RAG1: variants seen among roughly 807,000 people sequenced by gnomAD.
RAG1 encodes recombination activating 1, also known as V(D)J recombination-activating protein 1.
RAG1 carries 35 observed loss-of-function variants against 62.7 expected under a neutral mutation model. The observed-to-expected ratio is 0.56, with a 90% CI of 0.43 to 0.74. The LOEUF is 0.74. RAG1 is among the 30% of genes least tolerant of loss of function. The probability of loss-of-function intolerance (pLI) is 0.00; values close to 1 mark genes in which losing one functional copy is unlikely to be tolerated. For missense variants in RAG1, 1,169 were observed against 1,278.6 expected (o/e 0.91, Z 1.31); for synonymous variants, 461 against 470.3 (o/e 0.98, Z 0.26).
intron 2 of RAG1, among the ~76,000 whole-genome samples, chr11:36,534,556 T>C (rs1860299170): frequency 6.6e-6 from 1 of 152,200 alleles, no homozygotes; most frequent in Non-Finnish European, 1.5e-5. Flanking sequence ...GCCATGGCAA[T>C]CCTCACTTCT....
rs1850828185 is a variant in RAG1 at position 36,575,391 on chromosome 11, G to A, written c.2087G>A (p.Gly696Asp). The A allele has an allele frequency of 6.2e-7, 1 of 1,613,820 alleles. No homozygotes were observed. The highest frequency in any genetic ancestry group is 8.5e-7 in the Non-Finnish European group (1 of 1,179,754). ...KSSELMLELG[G>D]ILRTFKFIFR... The stretch of plus-strand genomic sequence containing the variant: ...AGTGAATTAATGCTTGAGCTGGGAG[G>A]CATTCTCCGGACTTTCAAGTTCATC... The change falls in exon 2 of 2, where the codon GGC becomes GAC. Residue 696 changes from glycine to aspartate, a missense_variant. By Grantham distance (94) the Gly-to-Asp change is moderately conservative. This residue lies in a region of RAG1 where 800 missense variants were observed against 943.3 expected (regional missense o/e 0.85). Coordinates refer to ENST00000299440, the MANE Select transcript of RAG1 (RefSeq NM_000448.3). This position sits in a 1 kb window ranked among gnomAD's most constrained non-coding sequence, Gnocchi z 4.1.
chr11:36,543,129 A>C (rs1382472105), intron 3 of RAG1, among the ~76,000 whole-genome samples: 1 of 152,156 alleles, frequency 6.6e-6, no homozygotes, highest in East Asian at 1.9e-4. Flanking sequence ...GGGATGGCAG[A>C]TAGGGAACTG....
downstream of RAG1, among the ~76,000 whole-genome samples, chr11:36,537,198 TC>T (rs1860344501): frequency 6.6e-6 from 1 of 152,150 alleles, no homozygotes; most frequent in African/African-American, 2.4e-5. Flanking sequence ...GTTCTAGAGA[TC>T]TGTTGTACAA....
At chr11:36,542,727 G>C (rs535824862) in intron 3 of RAG1, among the ~76,000 whole-genome samples, 375 of 152,290 alleles carry the variant, frequency 2.5e-3, no homozygotes, top group Non-Finnish European at 4.1e-3. Context: ...TGAACTAGCC[G>C]TGCCACATGC....
In RAG1 at chr11:36,573,486, A is replaced by G. The variant is rs1415916254; in HGVS notation, c.182A>G (p.Gln61Arg). The G allele has an allele frequency of 6.2e-7, 1 of 1,614,202 alleles. No homozygotes were observed. Among genetic ancestry groups the G allele is most frequent in the South Asian group, 1.1e-5 (1 of 91,090 alleles). The change falls in exon 2 of 2, where the codon CAA (glutamine) becomes CGA (arginine). Residue 61 changes from glutamine to arginine, a missense_variant. By Grantham distance (43) the Gln-to-Arg change is conservative. Transcript: ENST00000299440. The part of the protein sequence containing the change: ...DSFEGKPSLE[Q>R]SPAVLDKADG... ...TTTGAGGGGAAACCCTCTCTGGAGC[A>G]ATCTCCAGCAGTCCTGGACAAGGCT...
At chr11:36,569,870 A>C (rs771819897) in intron 1 of RAG1, among the ~76,000 whole-genome samples, 1 of 152,222 alleles carries the variant, frequency 6.6e-6, no homozygotes. Context: ...ACGTATCTAC[A>C]TAAAGGGAAT....
intron 2 of RAG1, among the ~76,000 whole-genome samples, chr11:36,533,138 G>C (rs1860279695): frequency 6.6e-6 from 1 of 152,022 alleles, no homozygotes; most frequent in Non-Finnish European, 1.5e-5. Context: ...GTTCTGTTCT[G>C]GTTCCCCATA....
rs1239326171 is a variant in RAG1 at position 36,524,638 on chromosome 11, AC to A, written n.428+4411del. ...CAAGCAGCTGGGAATACATGCACAC[AC>A]CACCACATCTGGCTATTTTTTGTAA... On this transcript the variant is annotated intron_variant and non_coding_transcript_variant, in intron 2 of 2. Transcript: ENST00000529126. Among the ~76,000 whole-genome samples, 4 of 151,832 alleles carry A rather than the reference AC, an allele frequency of 2.6e-5. No homozygotes were observed. In the East Asian group the frequency reaches 7.8e-4, roughly 29 times the overall value.
At chr11:36,564,485 A>G (rs1025390281), upstream of RAG1, among the ~76,000 whole-genome samples, 3 of 152,168 alleles carry the variant, frequency 2.0e-5, no homozygotes, top group African/African-American at 7.2e-5. Context: ...CATGGATTCA[A>G]CAACTTCTGA....
chr11:36,524,743 G>A (rs1471624733), intron 2 of RAG1, among the ~76,000 whole-genome samples: 2 of 151,972 alleles, frequency 1.3e-5, no homozygotes, highest in Admixed American at 6.6e-5. Context: ...CACCCACCTC[G>A]GCCTTCCAAA....
chr11:36,538,566 T>C (rs1335790033), downstream of RAG1, among the ~76,000 whole-genome samples: 2 of 152,190 alleles, frequency 1.3e-5, no homozygotes, highest in Non-Finnish European at 2.9e-5. Flanking sequence ...GTAAAACAAA[T>C]ACATGTTCAT....
intron 1 of RAG1, among the ~76,000 whole-genome samples, chr11:36,512,457 T>C (rs1018403272): frequency 6.6e-6 from 1 of 152,198 alleles, no homozygotes; most frequent in Non-Finnish European, 1.5e-5. Flanking sequence ...AAGCCTACTT[T>C]ATGCACAGTT....
At chr11:36,550,477 G>T (rs1003571272) in intron 3 of RAG1, among the ~76,000 whole-genome samples, 10 of 152,000 alleles carry the variant, frequency 6.6e-5, no homozygotes, top group Non-Finnish European at 1.0e-4. Flanking sequence ...TTTTAGAAAG[G>T]CATAGCTTCT....
At chr11:36,543,946 C>T (rs887146884) in intron 3 of RAG1, among the ~76,000 whole-genome samples, 1 of 152,136 alleles carries the variant, frequency 6.6e-6, no homozygotes, top group Admixed American at 6.5e-5. Context: ...ATTTAATAGA[C>T]ATTAAAAAAG....
chr11:36,514,821 C>T (rs1461801836), intron 1 of RAG1, among the ~76,000 whole-genome samples: 1 of 152,208 alleles, frequency 6.6e-6, no homozygotes, highest in African/African-American at 2.4e-5. Context: ...CAGCTTCATT[C>T]CCTCACTCAC....
chr11:36,519,474 G>A (rs1195097254), intron 1 of RAG1, among the ~76,000 whole-genome samples: 1 of 152,162 alleles, frequency 6.6e-6, no homozygotes, highest in Non-Finnish European at 1.5e-5. Context: ...AGAATGTACA[G>A]TTTCCTATCT....
At chr11:36,543,670 T>C (rs1018705802) in intron 3 of RAG1, among the ~76,000 whole-genome samples, 1 of 152,186 alleles carries the variant, frequency 6.6e-6, no homozygotes. Context: ...GAAATATTGA[T>C]AACATGCGGG....
intron 2 of RAG1, among the ~76,000 whole-genome samples, chr11:36,523,598 A>C (rs562931527): frequency 6.6e-6 from 1 of 152,334 alleles, no homozygotes; most frequent in South Asian, 2.1e-4. Flanking sequence ...CTTACATAAT[A>C]AACATTATCC....
At chr11:36,565,926 A>T (rs972325167), upstream of RAG1, 1 of 152,234 alleles carries the variant, frequency 6.6e-6, no homozygotes, top group African/African-American at 2.4e-5. Context: ...GCAATTAGAA[A>T]ACTGTATCTT....
Sources: allele counts gnomAD v4.1 joint callset (sites outside exome capture counted in the v4.1 genomes callset), GRCh38; gene constraint gnomAD v4.1.1; regional missense constraint gnomAD v4.1.1; non-coding constraint Gnocchi (gnomAD v3.1); transcripts MANE v1.5; gene names NCBI Gene and HGNC (gene_info 2026-07-23, HGNC 2026-07-21).